Variants in LRRC3B observed in about 807,000 individuals in gnomAD.
The protein encoded by LRRC3B is leucine rich repeat containing 3B.
LRRC3B carries 2 observed loss-of-function variants against 12.8 expected under a neutral mutation model. The observed-to-expected ratio is 0.16, with a 90% CI of 0.06 to 0.49. The LOEUF (loss-of-function observed/expected upper bound fraction) is 0.49. LRRC3B is among the 20% of genes least tolerant of loss of function. The pLI, the probability that LRRC3B is intolerant of heterozygous loss-of-function variation, is 0.96. For missense variants in LRRC3B, 189 were observed against 319.4 expected (o/e 0.59, Z 3.11); for synonymous variants, 132 against 122.0 (o/e 1.08, Z -0.54).
At chr3:26,641,196 G>A (rs1357920487) in intron 1 of LRRC3B, among the ~76,000 whole-genome samples, 1 of 152,144 alleles carries the variant, frequency 6.6e-6, no homozygotes, top group Non-Finnish European at 1.5e-5. Flanking sequence ...AGAAGCAAGG[G>A]CAAACTAGAA....
At chr3:26,695,787 G>T (rs955157913) in intron 1 of LRRC3B, among the ~76,000 whole-genome samples, 5 of 152,188 alleles carry the variant, frequency 3.3e-5, no homozygotes, top group Non-Finnish European at 5.9e-5. Context: ...TTTCTGGTCT[G>T]CTCTGTTCTA....
At chr3:26,681,564 A>G (rs1167876000) in intron 1 of LRRC3B, among the ~76,000 whole-genome samples, 1 of 152,210 alleles carries the variant, frequency 6.6e-6, no homozygotes, top group African/African-American at 2.4e-5. Context: ...TCTTATCTGT[A>G]AAAGGGGATG....
chr3:26,655,956 A>G (rs1699364069), intron 1 of LRRC3B, among the ~76,000 whole-genome samples: 1 of 152,198 alleles, frequency 6.6e-6, no homozygotes, highest in Admixed American at 6.5e-5. Flanking sequence ...CAAAATGGTC[A>G]TACTAATAAA....
At chr3:26,692,517 A>G (rs1341715316) in intron 1 of LRRC3B, among the ~76,000 whole-genome samples, 1 of 152,230 alleles carries the variant, frequency 6.6e-6, no homozygotes, top group East Asian at 1.9e-4. Flanking sequence ...CATGGTCAGC[A>G]AATAGAATTA....
intron 1 of LRRC3B, among the ~76,000 whole-genome samples, chr3:26,628,577 A>G (rs997719940): frequency 6.6e-6 from 1 of 151,882 alleles, no homozygotes; most frequent in Non-Finnish European, 1.5e-5. Context: ...GAAGATTGTG[A>G]CTTTGATGAA....
chr3:26,655,126 T>G (rs932433423), intron 1 of LRRC3B, among the ~76,000 whole-genome samples: 1 of 152,162 alleles, frequency 6.6e-6, no homozygotes, highest in African/African-American at 2.4e-5. Flanking sequence ...TAGTGCCACT[T>G]TTCATAAGTT....
intron 1 of LRRC3B, among the ~76,000 whole-genome samples, chr3:26,643,499 T>A (rs1699077974): frequency 6.6e-6 from 1 of 152,110 alleles, no homozygotes; most frequent in South Asian, 2.1e-4. Context: ...ATCTCCCAGT[T>A]TTCCACCCAC....
At chr3:26,681,333 CTAAAT>C (rs1699966098) in intron 1 of LRRC3B, among the ~76,000 whole-genome samples, 2 of 152,108 alleles carry the variant, frequency 1.3e-5, no homozygotes, top group African/African-American at 4.8e-5. Flanking sequence ...AAAACTAAGG[CTAAAT>C]TAAATATACT....
At chr3:26,696,882 C>G (rs1344972328) in intron 1 of LRRC3B, among the ~76,000 whole-genome samples, 1 of 152,142 alleles carries the variant, frequency 6.6e-6, no homozygotes, top group African/African-American at 2.4e-5. Flanking sequence ...TGTTGTTTGG[C>G]AGCTCTTTCC....
At chr3:26,648,108 C>T (rs1406403311) in intron 1 of LRRC3B, among the ~76,000 whole-genome samples, 1 of 151,622 alleles carries the variant, frequency 6.6e-6, no homozygotes, top group South Asian at 2.1e-4. Context: ...ATCTACTTAC[C>T]TTTGTGGAAA....
intron 1 of LRRC3B, among the ~76,000 whole-genome samples, chr3:26,631,683 T>G (rs2125400571): frequency 6.6e-6 from 1 of 151,330 alleles, no homozygotes; most frequent in East Asian, 1.9e-4. Flanking sequence ...TAAGAAAGGC[T>G]TTGACCTTGT....
At chr3:26,639,843 C>G (rs1271965689) in intron 1 of LRRC3B, among the ~76,000 whole-genome samples, 1 of 152,006 alleles carries the variant, frequency 6.6e-6, no homozygotes, top group Non-Finnish European at 1.5e-5. Flanking sequence ...CTTTAGAATC[C>G]TTTTGTGTGA....
intron 1 of LRRC3B, among the ~76,000 whole-genome samples, chr3:26,649,042 G>A (rs1048508586): frequency 1.3e-5 from 2 of 152,182 alleles, no homozygotes; most frequent in East Asian, 3.9e-4. Flanking sequence ...ATTAAGTGCA[G>A]CCCTGAAATA....
intron 1 of LRRC3B, among the ~76,000 whole-genome samples, chr3:26,699,243 A>G (rs762145690): frequency 6.6e-6 from 1 of 152,142 alleles, no homozygotes; most frequent in African/African-American, 2.4e-5. Flanking sequence ...AACCCTCAAG[A>G]CAGAATGATC....
chr3:26,663,199 C>T (rs1430869217), intron 1 of LRRC3B, among the ~76,000 whole-genome samples: 1 of 152,096 alleles, frequency 6.6e-6, no homozygotes, highest in African/African-American at 2.4e-5. Flanking sequence ...TGAGTTCTGT[C>T]TCTGGCAATA....
At chr3:26,703,290 T>G (rs1700504253) in intron 1 of LRRC3B, among the ~76,000 whole-genome samples, 1 of 152,070 alleles carries the variant, frequency 6.6e-6, no homozygotes, top group African/African-American at 2.4e-5. Context: ...AATATTGCAT[T>G]AAAGATATCA....
In LRRC3B at chr3:26,710,014, C is replaced by A. The variant is rs778227347; in HGVS notation, c.342C>A (p.Thr114=). ...ATGCCTTCAAAGGAGTAGCTGAAAC[C>A]TTGCAGACTCTGGACTTGTCCGACA... Residue 114 remains threonine (T), a synonymous_variant, in exon 2 of 2, where the codon ACC becomes ACA. Transcript: ENST00000396641. 8.7e-6 allele frequency: 14 copies of A among 1,613,974 alleles called. No homozygotes were observed. The Admixed American group carries it at 1.3e-4, about 15-fold the overall frequency.
chr3:26,695,791 T>A (rs1700301241), intron 1 of LRRC3B, among the ~76,000 whole-genome samples: 1 of 152,256 alleles, frequency 6.6e-6, no homozygotes. Flanking sequence ...TGGTCTGCTC[T>A]GTTCTAACAA....
At chr3:26,640,274 C>T (rs1176189497) in intron 1 of LRRC3B, among the ~76,000 whole-genome samples, 1 of 152,108 alleles carries the variant, frequency 6.6e-6, no homozygotes, top group African/African-American at 2.4e-5. Flanking sequence ...CGTGAGATCA[C>T]CCTGTGTCTT....
Sources: allele counts gnomAD v4.1 joint callset (sites outside exome capture counted in the v4.1 genomes callset), GRCh38; gene constraint gnomAD v4.1.1; transcripts MANE v1.5; gene names NCBI Gene and HGNC (gene_info 2026-07-23, HGNC 2026-07-21).